The following TEKT5 variants were observed in gnomAD, a reference collection of about 807,000 sequenced individuals.
TEKT5 encodes tektin-5.
A neutral mutation model predicts 48.7 loss-of-function variants in TEKT5; 52 were observed. The ratio of observed to expected loss-of-function variants is 1.07; its 90% confidence interval spans 0.86 to 1.35. The LOEUF is 1.35. TEKT5 is among the 40% of genes most tolerant of loss of function. TEKT5 has a pLI of 0.00. For synonymous variants in TEKT5, 318 were observed against 267.6 expected (o/e 1.19, Z -1.84); for missense variants, 831 against 641.6 (o/e 1.30, Z -3.19).
intron 3 of TEKT5, among the ~76,000 whole-genome samples, chr16:10,686,921 C>G (rs1220601421): frequency 2.6e-5 from 4 of 152,166 alleles, no homozygotes; most frequent in Non-Finnish European, 5.9e-5. Flanking sequence ...AGAAGAAAAT[C>G]CTGTCATTTG....
intron 5 of TEKT5, among the ~76,000 whole-genome samples, chr16:10,674,918 G>A (rs1277689329): frequency 6.6e-6 from 1 of 151,678 alleles, no homozygotes; most frequent in Non-Finnish European, 1.5e-5. Context: ...TGCCTCCCAA[G>A]TTCAAGCGAG....
chr16:10,693,745 G>C (rs561561694), intron 1 of TEKT5, among the ~76,000 whole-genome samples: 2 of 152,220 alleles, frequency 1.3e-5, no homozygotes. Context: ...CACTCTAGGA[G>C]GTCAAGGCGG....
chr16:10,647,312 T>TA (rs2072009451), intron 5 of TEKT5, among the ~76,000 whole-genome samples: 2 of 149,888 alleles, frequency 1.3e-5, no homozygotes, highest in African/African-American at 4.9e-5. Context: ...TACAAAAAAT[T>TA]TAAAAAAAAA....
chr16:10,677,236 G>A (rs1021402102), intron 4 of TEKT5, among the ~76,000 whole-genome samples: 1 of 95,884 alleles, frequency 1.0e-5, no homozygotes, highest in Non-Finnish European at 1.9e-5. Context: ...AAATGGAGTG[G>A]TGTCATTATG....
chr16:10,635,512 T>TAGGCA (rs1897899985), intron 6 of TEKT5, among the ~76,000 whole-genome samples: 1 of 152,020 alleles, frequency 6.6e-6, no homozygotes, highest in Non-Finnish European at 1.5e-5. Context: ...ACCCCTAGTT[T>TAGGCA]AGGCAAGTGA....
chr16:10,676,498 C>G (rs1898649594), intron 4 of TEKT5, among the ~76,000 whole-genome samples: 1 of 152,016 alleles, frequency 6.6e-6, no homozygotes, highest in Non-Finnish European at 1.5e-5. Flanking sequence ...GCAAGAGAAC[C>G]CTAAAGAGAG....
chr16:10,649,316 G>T (rs996137958), intron 5 of TEKT5, among the ~76,000 whole-genome samples: 2 of 152,132 alleles, frequency 1.3e-5, no homozygotes, highest in African/African-American at 4.8e-5. Flanking sequence ...TTGCTATGTT[G>T]CCCAGGCTGG....
chr16:10,660,648 C>T (rs1898350707), intron 5 of TEKT5, among the ~76,000 whole-genome samples: 1 of 148,842 alleles, frequency 6.7e-6, no homozygotes, highest in Admixed American at 6.8e-5. Flanking sequence ...ATGTTACCAG[C>T]AGGAGTGCAA....
intron 1 of TEKT5, chr16:10,690,713 T>G (rs1050563506): frequency 1.0e-6 from 1 of 985,236 alleles, no homozygotes; most frequent in Non-Finnish European, 1.2e-6. Flanking sequence ...CATGCAGACC[T>G]GGGCAGAGCA....
chr16:10,656,315 G>A (rs1367715817), intron 5 of TEKT5, among the ~76,000 whole-genome samples: 3 of 152,202 alleles, frequency 2.0e-5, no homozygotes, highest in Non-Finnish European at 2.9e-5. Context: ...GCAGTGGCGT[G>A]ATGTCAGCTC....
At chr16:10,661,984 C>G (rs1199765238) in intron 5 of TEKT5, among the ~76,000 whole-genome samples, 1 of 152,238 alleles carries the variant, frequency 6.6e-6, no homozygotes, top group Non-Finnish European at 1.5e-5. Context: ...ACTATCTACC[C>G]TACCATCTGC....
intron 4 of TEKT5, among the ~76,000 whole-genome samples, chr16:10,678,429 G>T (rs770581848): frequency 2.0e-5 from 3 of 152,168 alleles, no homozygotes; most frequent in Non-Finnish European, 2.9e-5. Flanking sequence ...CACTTAGGTT[G>T]CATGGTGCAT....
chr16:10,680,337 G>C (rs963170980), intron 4 of TEKT5, among the ~76,000 whole-genome samples: 1 of 152,152 alleles, frequency 6.6e-6, no homozygotes, highest in Non-Finnish European at 1.5e-5. Context: ...CTTCCTTCTC[G>C]CTTCCCTTCC....
intron 3 of TEKT5, among the ~76,000 whole-genome samples, chr16:10,685,326 G>A (rs530366874): frequency 6.6e-6 from 1 of 151,980 alleles, no homozygotes; most frequent in African/African-American, 2.4e-5. Context: ...TTTTGAGACA[G>A]TCTTGCTCTG....
At chr16:10,681,571 G>A (rs1158767136) in intron 4 of TEKT5, among the ~76,000 whole-genome samples, 1 of 151,582 alleles carries the variant, frequency 6.6e-6, no homozygotes, top group East Asian at 1.9e-4. Context: ...TGGTCTCCCT[G>A]CCGAGGTTGT....
chr16:10,628,905 CAAA>C (rs201157132), intron 6 of TEKT5, among the ~76,000 whole-genome samples: 13 of 79,290 alleles, frequency 1.6e-4, no homozygotes, highest in Admixed American at 3.0e-4. Flanking sequence ...AACTCTGTCT[CAAA>C]AAAAAAAAAA....
At chr16:10,674,778 C>G (rs1157795478) in intron 5 of TEKT5, among the ~76,000 whole-genome samples, 1 of 151,672 alleles carries the variant, frequency 6.6e-6, no homozygotes, top group Non-Finnish European at 1.5e-5. Flanking sequence ...CTGCAGCCCA[C>G]TAATCCCCCC....
intron 4 of TEKT5, among the ~76,000 whole-genome samples, chr16:10,681,377 GTCTCTCTCTCTCTCTC>G (rs59484637): frequency 4.9e-4 from 19 of 38,780 alleles, no homozygotes; most frequent in Admixed American, 1.3e-3. Flanking sequence ...TCCACTCTCT[GTCTCTCTCTCTCTCTC>G]TCTCTCTCTC....
chr16:10,655,401 C>T (rs138667056), intron 5 of TEKT5, among the ~76,000 whole-genome samples: 5 of 152,252 alleles, frequency 3.3e-5, no homozygotes, highest in African/African-American at 1.2e-4. Flanking sequence ...CCTGATCTGT[C>T]TAAACCTCAG....
Sources: gnomAD v4.1 joint callset for allele counts (sites outside exome capture counted in the v4.1 genomes callset) on GRCh38, gnomAD v4.1.1 for gene constraint, MANE v1.5 for transcripts, NCBI Gene and HGNC (gene_info 2026-07-23, HGNC 2026-07-21) for gene names.